Variants in PABPC1L2A observed in about 807,000 individuals in gnomAD.
PABPC1L2A encodes the protein poly(A) binding protein cytoplasmic 1 like 2A.
chrX:73,077,687 G>C lies in PABPC1L2A; in HGVS notation c.*1097C>G, dbSNP rs1308638842. The C allele has an allele frequency of 8.4e-6, 1 of 118,673 alleles. No homozygotes were observed. Among genetic ancestry groups the C allele is most frequent in the Admixed American group, 1.0e-4 (1 of 9,846 alleles). 9.8% of individuals were successfully genotyped at this position (118,673 alleles called of 1,213,427 possible). A position where few individuals can be genotyped will look rare whatever the true frequency, so the allele number is the denominator to read the frequency against. On this transcript the variant is annotated 3_prime_UTR_variant, in exon 1 of 1. Transcript: ENST00000373519. ...GTTTCCAGCAAAACTACCGAGGACA[G>C]CGAAACACCCTTTGTAGCCCGCCAA...
In PABPC1L2A at chrX:73,078,127, A is replaced by C. The variant is rs76958364; in HGVS notation, c.*657T>G. ...ACACTGGAGCACTCTGCAGGCACTG[A>C]AGATGACGTTTCATAAGCCTGTTGA... On this transcript the variant is annotated 3_prime_UTR_variant, in exon 1 of 1. Transcript: ENST00000373519. 10,463 of 145,956 alleles carry C rather than the reference A, an allele frequency of 0.072. 9 individuals are homozygous for C. The highest frequency in any genetic ancestry group is 0.1 in the African/African-American group (3,039 of 29,927). 12.0% of individuals were successfully genotyped at this position (145,956 alleles called of 1,213,427 possible).
At position 73,077,784 on chromosome X, in the gene PABPC1L2A, A is replaced by G; in HGVS notation, c.*1000T>C. On this transcript the variant is annotated 3_prime_UTR_variant, in exon 1 of 1. Transcript: ENST00000373519. ...ACACACACGATCAATTACAGTGACC[A>G]GGAGACTATGCAGGGGAAACGGGCA... 8.2e-6 allele frequency: 1 copy of G among 122,021 alleles called. No homozygotes were observed. The highest frequency in any genetic ancestry group is 4.0e-4 in the South Asian group (1 of 2,509). The allele number at this position is 122,021 out of a possible 1,213,427, so 10.1% of individuals were successfully genotyped here. A position where few individuals can be genotyped will look rare whatever the true frequency, so the allele number is the denominator to read the frequency against.
rs1449077544 is a variant in PABPC1L2A at position 73,077,320 on chromosome X, ATG to A, written c.*1462_*1463del. The stretch of plus-strand genomic sequence containing the variant: ...ATGACATGAAATGAAGTTCAAGAAT[ATG>A]TGTGTGTATAAATATACACACACAT... On this transcript the variant is annotated 3_prime_UTR_variant, in exon 1 of 1. Transcript: ENST00000373519. 1.8e-5 allele frequency: 2 copies of A among 111,620 alleles called. No homozygotes were observed. Among genetic ancestry groups the A allele is most frequent in the East Asian group, 2.8e-4 (1 of 3,548 alleles). The allele number at this position is 111,620 out of a possible 1,213,427, so 9.2% of individuals were successfully genotyped here.
rs1332866238 is a variant in PABPC1L2A at position 73,079,491 on chromosome X, TCGCATC to T, written c.-111_-106del. 3.4e-3 allele frequency: 3,433 copies of T among 1,010,758 alleles called. 123 individuals carry two copies. The highest frequency in any genetic ancestry group is 4.1e-3 in the South Asian group (177 of 42,896). 83.3% of individuals were successfully genotyped at this position (1,010,758 alleles called of 1,213,427 possible). On this transcript the variant is annotated 5_prime_UTR_variant, in exon 1 of 1. The change abolishes an upstream ATG in the 5' untranslated region. Coordinates refer to ENST00000373519, the MANE Select transcript of PABPC1L2A (RefSeq NM_001012977.3). ...TCGGCCGCCACCTCGGCCGCCACCT[TCGCATC>T]CGCATCCGCATCCGCATCCGCCTCC...
In PABPC1L2A at chrX:73,077,587, CG is replaced by C. The variant is rs1262378903; in HGVS notation, c.*1196del. 18 of 120,556 alleles carry C rather than the reference CG, an allele frequency of 1.5e-4. No homozygotes were observed. The East Asian group carries it at 4.6e-3, about 31-fold the overall frequency. 9.9% of individuals were successfully genotyped at this position (120,556 alleles called of 1,213,427 possible). A position where few individuals can be genotyped will look rare whatever the true frequency, so the allele number is the denominator to read the frequency against. ...TTGTGATTTTTTTTTCTTGCAATGA[CG>C]CTGAATTACTTTTCTGACAACAGGG... On this transcript the variant is annotated 3_prime_UTR_variant, in exon 1 of 1. Transcript: ENST00000373519.
rs1271544466 is a variant in PABPC1L2A, at chrX:73,077,569, T to TA, written c.*1214_*1215insT. On this transcript the variant is annotated 3_prime_UTR_variant, in exon 1 of 1. Coordinates refer to ENST00000373519, the MANE Select transcript of PABPC1L2A (RefSeq NM_001012977.3). The stretch of plus-strand genomic sequence containing the variant: ...TCTGGTAACTTGTCTGCTTTGTGAT[T>TA]TTTTTTTCTTGCAATGACGCTGAAT... 5 of 121,517 alleles carry TA rather than the reference T, an allele frequency of 4.1e-5. No homozygotes were observed. The highest frequency in any genetic ancestry group is 9.6e-5 in the Admixed American group (1 of 10,453). The allele number at this position is 121,517 out of a possible 1,213,427, so 10.0% of individuals were successfully genotyped here.
Position 73,077,722 on chromosome X carries a change from GACACACAC to G in PABPC1L2A, c.*1054_*1061del, listed in dbSNP as rs377158860. The G allele has an allele frequency of 9.2e-5, 10 of 108,923 alleles. No homozygotes were observed. The highest frequency in any genetic ancestry group is 5.1e-4 in the South Asian group (1 of 1,961). The allele number at this position is 108,923 out of a possible 1,213,427, so 9.0% of individuals were successfully genotyped here. A position where few individuals can be genotyped will look rare whatever the true frequency, so the allele number is the denominator to read the frequency against. On this transcript the variant is annotated 3_prime_UTR_variant, in exon 1 of 1. Transcript: ENST00000373519. Reference sequence around the variant, plus strand: ...CTTTGTAGCCCGCCAAGCTGGCCAAGACACACACACACACACACACACACACACACGCA... The same window carrying G: ...CTTTGTAGCCCGCCAAGCTGGCCAAGACACACACACACACACACACACGCA...
Position 73,077,863 on chromosome X carries a change from T to C in PABPC1L2A, c.*921A>G, listed in dbSNP as rs1167342459. On this transcript the variant is annotated 3_prime_UTR_variant, in exon 1 of 1. Coordinates refer to ENST00000373519, the MANE Select transcript of PABPC1L2A (RefSeq NM_001012977.3). ...CGAGTGCAAATCGGTACAATGCTTA[T>C]GAAGGGGGCCTTTTGGCAACACACA... The C allele has an allele frequency of 8.2e-6, 1 of 122,194 alleles. No homozygotes were observed. Among genetic ancestry groups the C allele is most frequent in the African/African-American group, 3.3e-5 (1 of 30,374 alleles). The allele number at this position is 122,194 out of a possible 1,213,427, so 10.1% of individuals were successfully genotyped here.
rs1431883905 is a variant in PABPC1L2A at position 73,077,646 on chromosome X, G to A, written c.*1138C>T. ...CAGGAAGAGGGCACAGGGGAATGGG[G>A]TCATAAGCAGTGTTTGTTTCCAGCA... is the stretch of plus-strand genomic sequence containing the variant. On this transcript the variant is annotated 3_prime_UTR_variant, in exon 1 of 1. Transcript: ENST00000373519. The A allele has an allele frequency of 8.3e-6, 1 of 120,824 alleles. No homozygotes were observed. Among genetic ancestry groups the A allele is most frequent in the Non-Finnish European group, 1.9e-5 (1 of 52,851 alleles). 10.0% of individuals were successfully genotyped at this position (120,824 alleles called of 1,213,427 possible). A position where few individuals can be genotyped will look rare whatever the true frequency, so the allele number is the denominator to read the frequency against.
Position 73,079,506 on chromosome X carries a change from C to T in PABPC1L2A, c.-120G>A, listed in dbSNP as rs1418789452. On this transcript the variant is annotated 5_prime_UTR_variant, in exon 1 of 1. The change abolishes an upstream ATG in the 5' untranslated region. Transcript: ENST00000373519. ...GCCGCCACCTTCGCATCCGCATCCG[C>T]ATCCGCATCCGCCTCCGCCTCCCCC... The T allele has an allele frequency of 5.1e-6, 3 of 593,669 alleles. No individual in the cohort carries two copies. The highest frequency in any genetic ancestry group is 7.6e-6 in the Non-Finnish European group (3 of 392,719). The allele number at this position is 593,669 out of a possible 1,213,427, so 48.9% of individuals were successfully genotyped here.
In PABPC1L2A at chrX:73,077,431, A is replaced by G. The variant is rs2055544112; in HGVS notation, c.*1353T>C. 8.9e-6 allele frequency: 1 copy of G among 112,011 alleles called. No individual in the cohort carries two copies. Among genetic ancestry groups the G allele is most frequent in the Non-Finnish European group, 1.9e-5 (1 of 53,108 alleles). 9.2% of individuals were successfully genotyped at this position (112,011 alleles called of 1,213,427 possible). ...TATGCATAAGAAAAAAACTAGACCT[A>G]CAGACAAAAATGTTTCAGGTAGTTC... On this transcript the variant is annotated 3_prime_UTR_variant, in exon 1 of 1. Coordinates refer to ENST00000373519, the MANE Select transcript of PABPC1L2A (RefSeq NM_001012977.3).
chrX:73,077,735 ACACAC>A lies in PABPC1L2A; in HGVS notation c.*1044_*1048del, dbSNP rs2147931147. 1 of 119,896 alleles carries A rather than the reference ACACAC, an allele frequency of 8.3e-6. No individual in the cohort carries two copies. The highest frequency in any genetic ancestry group is 1.9e-5 in the Non-Finnish European group (1 of 52,908). The allele number at this position is 119,896 out of a possible 1,213,427, so 9.9% of individuals were successfully genotyped here. On this transcript the variant is annotated 3_prime_UTR_variant, in exon 1 of 1. Transcript: ENST00000373519. ...CAAGCTGGCCAAGACACACACACAC[ACACAC>A]ACACACACACACGCACGCACACACA...
rs782800060 is a variant in PABPC1L2A at position 73,077,586 on chromosome X, A to T, written c.*1198T>A. On this transcript the variant is annotated 3_prime_UTR_variant, in exon 1 of 1. Coordinates refer to ENST00000373519, the MANE Select transcript of PABPC1L2A (RefSeq NM_001012977.3). ...TTTGTGATTTTTTTTTCTTGCAATGACGCTGAATTACTTTTCTGACAACAG... is the reference window on the plus strand; with the variant it reads ...TTTGTGATTTTTTTTTCTTGCAATGTCGCTGAATTACTTTTCTGACAACAG... 18 of 120,974 alleles carry T rather than the reference A, an allele frequency of 1.5e-4. No homozygotes were observed. In the East Asian group the frequency reaches 4.6e-3, roughly 31 times the overall value. 10.0% of individuals were successfully genotyped at this position (120,974 alleles called of 1,213,427 possible).
chrX:73,077,325 T>G lies in PABPC1L2A; in HGVS notation c.*1459A>C, dbSNP rs1288221100. The G allele has an allele frequency of 2.7e-5, 3 of 111,381 alleles. No individual in the cohort carries two copies. Among genetic ancestry groups the G allele is most frequent in the Non-Finnish European group, 5.6e-5 (3 of 53,102 alleles). The allele number at this position is 111,381 out of a possible 1,213,427, so 9.2% of individuals were successfully genotyped here. A position where few individuals can be genotyped will look rare whatever the true frequency, so the allele number is the denominator to read the frequency against. ...ATGAAATGAAGTTCAAGAATATGTG[T>G]GTGTATAAATATACACACACATGTA... is the stretch of plus-strand genomic sequence containing the variant. On this transcript the variant is annotated 3_prime_UTR_variant, in exon 1 of 1. Transcript: ENST00000373519.
rs1175694824 is a variant in PABPC1L2A, at chrX:73,077,570, T to A, written c.*1214A>T. 8.2e-6 allele frequency: 1 copy of A among 121,831 alleles called. No individual in the cohort carries two copies. Among genetic ancestry groups the A allele is most frequent in the African/African-American group, 3.3e-5 (1 of 30,365 alleles). 10.0% of individuals were successfully genotyped at this position (121,831 alleles called of 1,213,427 possible). A position where few individuals can be genotyped will look rare whatever the true frequency, so the allele number is the denominator to read the frequency against. ...CTGGTAACTTGTCTGCTTTGTGATT[T>A]TTTTTTCTTGCAATGACGCTGAATT... On this transcript the variant is annotated 3_prime_UTR_variant, in exon 1 of 1. Coordinates refer to ENST00000373519, the MANE Select transcript of PABPC1L2A (RefSeq NM_001012977.3).
At position 73,077,872 on chromosome X, in the gene PABPC1L2A, CCTTT is replaced by C. The variant is rs1197229613; in HGVS notation, c.*908_*911del. ...ATCGGTACAATGCTTATGAAGGGGG[CCTTT>C]TGGCAACACACAGGAAAAGTCTTTA... On this transcript the variant is annotated 3_prime_UTR_variant, in exon 1 of 1. Transcript: ENST00000373519. 8.2e-6 allele frequency: 1 copy of C among 122,029 alleles called. No homozygotes were observed. The highest frequency in any genetic ancestry group is 9.6e-5 in the Admixed American group (1 of 10,464). 10.1% of individuals were successfully genotyped at this position (122,029 alleles called of 1,213,427 possible). A position where few individuals can be genotyped will look rare whatever the true frequency, so the allele number is the denominator to read the frequency against.
In PABPC1L2A at chrX:73,078,778, A is replaced by T. The variant is rs1556385584; in HGVS notation, c.*6T>A. 1 of 6,112 alleles carries T rather than the reference A, an allele frequency of 1.6e-4. No individual in the cohort carries two copies. The highest frequency in any genetic ancestry group is 1.6e-3 in the South Asian group (1 of 631). 0.5% of individuals were successfully genotyped at this position (6,112 alleles called of 1,213,427 possible). On this transcript the variant is annotated 3_prime_UTR_variant, in exon 1 of 1. Transcript: ENST00000373519. Reference sequence around the variant, plus strand: ...CTCTGCTGGCTGGCTAGCTCCTGGGATGTCTTCATCGCAAGGTGGCCTCCT... The same window carrying T: ...CTCTGCTGGCTGGCTAGCTCCTGGGTTGTCTTCATCGCAAGGTGGCCTCCT...
rs1294157494 is a variant in PABPC1L2A, at chrX:73,077,432, CA to C, written c.*1351del. Reference sequence around the variant, plus strand: ...ATGCATAAGAAAAAAACTAGACCTACAGACAAAAATGTTTCAGGTAGTTCTA... The same window carrying C: ...ATGCATAAGAAAAAAACTAGACCTACGACAAAAATGTTTCAGGTAGTTCTA... On this transcript the variant is annotated 3_prime_UTR_variant, in exon 1 of 1. Coordinates refer to ENST00000373519, the MANE Select transcript of PABPC1L2A (RefSeq NM_001012977.3). 3.6e-5 allele frequency: 4 copies of C among 111,818 alleles called. No individual in the cohort carries two copies. The highest frequency in any genetic ancestry group is 1.3e-4 in the African/African-American group (4 of 30,518). 9.2% of individuals were successfully genotyped at this position (111,818 alleles called of 1,213,427 possible). A position where few individuals can be genotyped will look rare whatever the true frequency, so the allele number is the denominator to read the frequency against.
rs11093407 is a variant in PABPC1L2A at position 73,077,702 on chromosome X, T to C, written c.*1082A>G. On this transcript the variant is annotated 3_prime_UTR_variant, in exon 1 of 1. Transcript: ENST00000373519. ...ACCGAGGACAGCGAAACACCCTTTG[T>C]AGCCCGCCAAGCTGGCCAAGACACA... 61,178 of 116,341 alleles carry C rather than the reference T, an allele frequency of 0.53. 14,251 individuals are homozygous for C. Among genetic ancestry groups the C allele is most frequent in the Middle Eastern group, 0.71 (149 of 210 alleles). 9.6% of individuals were successfully genotyped at this position (116,341 alleles called of 1,213,427 possible).
Sources: gnomAD v4.1 joint callset for allele counts on GRCh38, gnomAD v4.1.1 for gene constraint, MANE v1.5 for transcripts, NCBI Gene and HGNC (gene_info 2026-07-23, HGNC 2026-07-21) for gene names.